The following ANKDD1A variants were observed in gnomAD, a reference collection of about 807,000 sequenced individuals.
ANKDD1A encodes ankyrin repeat and death domain-containing protein 1A.
In ANKDD1A, 59 loss-of-function variants were observed where a neutral mutation model predicts 63.5. The observed-to-expected ratio is 0.93, with a 90% CI of 0.75 to 1.15. The LOEUF is 1.15. Among genes scored for constraint, ANKDD1A ranks in the 50% most tolerant of loss-of-function variants. The pLI is 0.00. For synonymous variants in ANKDD1A, 266 were observed against 263.9 expected, an observed-to-expected ratio of 1.01 and a Z score of -0.08; for missense variants, 632 against 656.4, an observed-to-expected ratio of 0.96 and a Z score of 0.41.
At chr15:64,951,677 C>CT (rs1555397448) in intron 14 of ANKDD1A, among the ~76,000 whole-genome samples, 19 of 104,052 alleles carry the variant, frequency 1.8e-4, no homozygotes, top group South Asian at 7.9e-4. Flanking sequence ...TCTTTCTTTC[C>CT]TTCTTTCTTC....
Position 64,911,925 on chromosome 15 carries a change from G to C in ANKDD1A, c.-6G>C, listed in dbSNP as rs1168724895. 1.6e-6 allele frequency: 2 copies of C among 1,249,668 alleles called. No homozygotes were observed. The highest frequency in any genetic ancestry group is 1.6e-5 in the African/African-American group (1 of 64,456). The allele number at this position is 1,249,668 out of a possible 1,614,324, so 77.4% of individuals were successfully genotyped here. On this transcript the variant is annotated 5_prime_UTR_variant, in exon 1 of 15. Transcript: ENST00000319580. The stretch of plus-strand genomic sequence containing the variant: ...CCAGCGCGCGCAGGGGCTGCGGAGC[G>C]GCAGGATGCAGGAGGAGCTGGCGTG...
At chr15:64,952,822 TC>T in intron 14 of ANKDD1A, among the ~76,000 whole-genome samples, 3 of 144,154 alleles carry the variant, frequency 2.1e-5, no homozygotes, top group African/African-American at 2.5e-5. Context: ...TCCTTCTTCC[TC>T]CTCCTTCTTC....
chr15:64,953,822 TC>T (rs2085360721), intron 14 of ANKDD1A, among the ~76,000 whole-genome samples: 5 of 38,630 alleles, frequency 1.3e-4, no homozygotes, highest in South Asian at 1.3e-3. Context: ...TCTTCCTTAT[TC>T]TTTTCTTCTT....
chr15:64,912,448 G>A (rs2084938666), intron 1 of ANKDD1A, among the ~76,000 whole-genome samples: 1 of 152,236 alleles, frequency 6.6e-6, no homozygotes, highest in Non-Finnish European at 1.5e-5. Context: ...TGCTGGGGCT[G>A]GATAGCGAGT....
chr15:64,925,471 AC>A (rs1214683938), intron 4 of ANKDD1A, among the ~76,000 whole-genome samples: 1 of 151,802 alleles, frequency 6.6e-6, no homozygotes. Context: ...CTTCCTGTCC[AC>A]CCCCAACCCA....
At chr15:64,951,535 C>CT (rs1491529399) in intron 14 of ANKDD1A, 5 of 6,788 alleles carry the variant, frequency 7.4e-4, no homozygotes, top group African/African-American at 8.3e-4. Context: ...TCTTCCTCTT[C>CT]CCTCTTCTTT....
At chr15:64,945,330 A>G (rs1247382039) in intron 12 of ANKDD1A, among the ~76,000 whole-genome samples, 1 of 152,048 alleles carries the variant, frequency 6.6e-6, no homozygotes, top group African/African-American at 2.4e-5. Context: ...CCCGATTACA[A>G]TGGTTCAGCT....
At chr15:64,931,778 G>T in intron 8 of ANKDD1A, 193 bp downstream of exon 8, 1 of 620,416 alleles carries the variant, frequency 1.6e-6, no homozygotes, top group South Asian at 1.9e-5. Context: ...TCTGAGCCTT[G>T]TTTCCCAACT....
chr15:64,945,404 G>A (rs1566913689), intron 12 of ANKDD1A, among the ~76,000 whole-genome samples: 1 of 151,864 alleles, frequency 6.6e-6, no homozygotes, highest in Non-Finnish European at 1.5e-5. Flanking sequence ...CATACTTTGA[G>A]TACCTGTACA....
At chr15:64,917,537 G>A (rs1260566923) in intron 3 of ANKDD1A, 23 bp downstream of exon 3, 1 of 1,549,794 alleles carries the variant, frequency 6.5e-7, no homozygotes, top group Non-Finnish European at 8.7e-7. Context: ...CTGTCTGTCT[G>A]TCTCAGGGTG....
At chr15:64,922,907 G>A (rs958302520) in intron 4 of ANKDD1A, among the ~76,000 whole-genome samples, 2 of 152,066 alleles carry the variant, frequency 1.3e-5, no homozygotes, top group Admixed American at 6.5e-5. Flanking sequence ...GAAAATTTTT[G>A]CAGTTATCTT....
chr15:64,943,512 C>T lies in ANKDD1A; in HGVS notation c.995C>T (p.Ala332Val), dbSNP rs763135905. 2.1e-5 allele frequency: 34 copies of T among 1,614,222 alleles called. 1 individual carries two copies. In the South Asian group the frequency reaches 3.6e-4, roughly 17 times the overall value. The part of the protein sequence containing the change: ...NRQQTPLHLA[A>V]EHAWQDIADM... ...CAGCAGACGCCCCTTCACCTGGCTG[C>T]AGAGCACGCCTGGCAGGACATAGCA... is the stretch of plus-strand genomic sequence containing the variant. The change falls in exon 11 of 15, where the codon GCA (alanine) becomes GTA (valine). Residue 332 changes from alanine to valine, a missense_variant. Transcript: ENST00000319580.
chr15:64,949,944 C>T lies in ANKDD1A; in HGVS notation c.1455C>T (p.Leu485=), dbSNP rs200697715. The change falls in exon 14 of 15, where the codon CTC becomes CTT. Residue 485 remains leucine (L), a synonymous_variant. Transcript: ENST00000319580. ...ENPSKALFEG[L]VAIGRRDLAG... is the part of the protein sequence containing the mutation. ...CCAGCAAAGCGCTGTTCGAGGGCCT[C>T]GTGGCCATTGGCAGGAGGGACCTGG... is the stretch of plus-strand genomic sequence containing the variant. 9.9e-6 allele frequency: 16 copies of T among 1,610,120 alleles called. No individual in the cohort carries two copies. Among genetic ancestry groups the T allele is most frequent in the East Asian group, 4.5e-5 (2 of 44,888 alleles).
chr15:64,949,886 G>T lies in ANKDD1A; in HGVS notation c.1397G>T (p.Trp466Leu). 6.2e-7 allele frequency: 1 copy of T among 1,606,018 alleles called. No homozygotes were observed. Among genetic ancestry groups the T allele is most frequent in the African/African-American group, 1.3e-5 (1 of 75,034 alleles). The change falls in exon 14 of 15, where the codon TGG (tryptophan) becomes TTG (leucine). Residue 466 changes from tryptophan (W) to leucine (L), a missense_variant. Coordinates refer to ENST00000319580, the MANE Select transcript of ANKDD1A (RefSeq NM_182703.6). ...QEHGHRMLLIWLHGVATAGEN... is the reference protein window; with the variant it reads ...QEHGHRMLLILLHGVATAGEN... ...CACGGCCACCGAATGCTGCTCATTT[G>T]GCTGCATGGCGTGGCCACGGCTGGT...
chr15:64,949,422 CTCA>C (rs148507270), intron 13 of ANKDD1A, among the ~76,000 whole-genome samples: 2 of 152,274 alleles, frequency 1.3e-5, no homozygotes, highest in African/African-American at 4.8e-5. Context: ...AAGCTGTATT[CTCA>C]TCTGTAAATT....
chr15:64,951,348 CTCTT>C, intron 14 of ANKDD1A: 1 of 568,396 alleles, frequency 1.8e-6, no homozygotes, highest in South Asian at 7.8e-5. Context: ...TTCTTCTTTC[CTCTT>C]CTTTCTTCTT....
chr15:64,915,673 C>G (rs1429820493), intron 1 of ANKDD1A, 124 bp from the exon 2 acceptor site: 1 of 758,348 alleles, frequency 1.3e-6, no homozygotes, highest in African/African-American at 1.7e-5. Context: ...CCGCTCTGCC[C>G]CTGTTCCTAG....
intron 2 of ANKDD1A, among the ~76,000 whole-genome samples, chr15:64,916,297 G>C (rs539663288): frequency 6.6e-6 from 1 of 151,794 alleles, no homozygotes; most frequent in African/African-American, 2.4e-5. Context: ...ATAAGTTGTC[G>C]TAAGAGCGTG....
Position 64,927,166 on chromosome 15 carries a change from C to T in ANKDD1A, c.570+167C>T, listed in dbSNP as rs182519632. Among the ~76,000 whole-genome samples, 46 of 152,360 alleles carry T rather than the reference C, an allele frequency of 3.0e-4. No individual in the cohort carries two copies. The highest frequency in any genetic ancestry group is 8.7e-4 in the African/African-American group (36 of 41,578). ...GTTCATCCAGCAGGCCCTTCACCAG[C>T]GTGTGCTATGGGCCAGCCCTGTGCT... is the stretch of plus-strand genomic sequence containing the variant. On this transcript the variant is annotated intron_variant, in intron 6 of 14. Transcript: ENST00000319580.
Sources: gnomAD v4.1 joint callset for allele counts (sites outside exome capture counted in the v4.1 genomes callset) on GRCh38, gnomAD v4.1.1 for gene constraint, MANE v1.5 for transcripts, NCBI Gene and HGNC (gene_info 2026-07-23, HGNC 2026-07-21) for gene names.